ARHGAP21: variants seen among roughly 807,000 people sequenced by gnomAD.
The protein encoded by ARHGAP21 is Rho GTPase activating protein 21, also known as rho GTPase-activating protein 21.
Under a neutral mutation model 164.6 loss-of-function variants are expected in ARHGAP21, and 38 were observed. The observed-to-expected ratio is 0.23, with a 90% CI of 0.18 to 0.30. The LOEUF is 0.30. Among genes scored for constraint, ARHGAP21 ranks in the 10% least tolerant of loss-of-function variants. The probability of loss-of-function intolerance (pLI) is 1.00; values close to 1 mark genes in which losing one functional copy is unlikely to be tolerated. For missense variants in ARHGAP21, 1,822 were observed against 2,370.7 expected (o/e 0.77, Z 4.81); for synonymous variants, 766 against 857.9 (o/e 0.89, Z 1.87).
intron 4 of ARHGAP21, among the ~76,000 whole-genome samples, chr10:24,658,261 G>A (rs527611776): frequency 3.9e-4 from 59 of 152,318 alleles, no homozygotes; most frequent in African/African-American, 1.4e-3. Context: ...GTGGAAGACA[G>A]TGTGGCGATT....
intron 4 of ARHGAP21, among the ~76,000 whole-genome samples, chr10:24,643,562 C>T (rs1314238928): frequency 6.6e-6 from 1 of 152,178 alleles, no homozygotes; most frequent in Non-Finnish European, 1.5e-5. Context: ...AAAATTGGAA[C>T]AGAAGTTACT....
intron 4 of ARHGAP21, 38 bp from the exon 5 acceptor site, chr10:24,635,141 A>G: frequency 7.4e-7 from 1 of 1,343,078 alleles, no homozygotes. Context: ...TTTACTTCAC[A>G]ATACTTTACT....
Position 24,721,849 on chromosome 10 carries a change from G to C in ARHGAP21, c.51C>G (p.Leu17=), listed in dbSNP as rs766347953. The stretch of plus-strand genomic sequence containing the variant: ...GCTCCGCGCTTACCTCGCAGGCCTT[G>C]AGCTTGTCACCATCTCCCTCAGACA... ...TGLSEGDGDK[L]KACEVSKNKD... is the part of the protein sequence containing the mutation. The change falls in exon 2 of 26, where the codon CTC becomes CTG. Residue 17 remains leucine, a synonymous_variant. Coordinates refer to ENST00000396432, the MANE Select transcript of ARHGAP21 (RefSeq NM_020824.4). 7 of 1,614,234 alleles carry C rather than the reference G, an allele frequency of 4.3e-6. No homozygotes were observed. In the Admixed American group the frequency reaches 1.2e-4, roughly 27 times the overall value.
chr10:24,587,973 G>A (rs1372914918), intron 25 of ARHGAP21, among the ~76,000 whole-genome samples: 3 of 152,186 alleles, frequency 2.0e-5, no homozygotes, highest in African/African-American at 7.2e-5. Context: ...TGCATCTAGA[G>A]AAGGGAAAAG....
rs1356986195 is a variant in ARHGAP21 at position 24,585,415 on chromosome 10, T to G, written c.4874A>C (p.Glu1625Ala). The G allele has an allele frequency of 6.2e-7, 1 of 1,614,094 alleles. No individual in the cohort carries two copies. Residue 1625 changes from glutamate (E) to alanine (A), a missense_variant, in exon 26 of 26, where the codon GAA becomes GCA. Glu to Ala is a moderately radical substitution (Grantham distance 107). This residue lies in a region of ARHGAP21 where 333 missense variants were observed against 383.9 expected (regional missense o/e 0.87). Transcript: ENST00000396432. ...KGDEADDERS[E>A]LISEGRPVET... is the part of the protein sequence containing the mutation. ...CACAGGCCGCCCTTCACTGATGAGTTCGCTTCTCTCGTCATCTGCCTCGTC... is the reference window on the plus strand; with the variant it reads ...CACAGGCCGCCCTTCACTGATGAGTGCGCTTCTCTCGTCATCTGCCTCGTC...
At chr10:24,695,548 G>A (rs1843104392) in intron 2 of ARHGAP21, among the ~76,000 whole-genome samples, 1 of 149,556 alleles carries the variant, frequency 6.7e-6, no homozygotes, top group East Asian at 2.0e-4. Context: ...CAGCCTGGGT[G>A]ATGGAGTGAG....
chr10:24,705,469 T>C (rs1844137397), intron 2 of ARHGAP21, among the ~76,000 whole-genome samples: 1 of 152,176 alleles, frequency 6.6e-6, no homozygotes, highest in East Asian at 1.9e-4. Context: ...TATGAAAATA[T>C]TTTTTCACCA....
chr10:24,635,174 T>A, intron 4 of ARHGAP21, 71 bp from the exon 5 acceptor site: 1 of 967,574 alleles, frequency 1.0e-6, no homozygotes, highest in Non-Finnish European at 1.5e-6. Flanking sequence ...TATAAAATAG[T>A]ATTTGAGAGA....
At chr10:24,630,077 G>C in intron 6 of ARHGAP21, 27 bp from the exon 7 acceptor site, 1 of 1,348,340 alleles carries the variant, frequency 7.4e-7, no homozygotes, top group Non-Finnish European at 1.0e-6. Context: ...TACTATTTTA[G>C]GAGAGGTAGA....
chr10:24,719,674 T>C (rs951738886), intron 2 of ARHGAP21, among the ~76,000 whole-genome samples: 6 of 152,208 alleles, frequency 3.9e-5, no homozygotes. Context: ...CACTGTGGAA[T>C]GTAGTGCTTC....
chr10:24,584,968 C>G lies in ARHGAP21; in HGVS notation c.5321G>C (p.Arg1774Thr), dbSNP rs1266315192. ...TCCAAACATGTCATCCGCAGGGGCT[C>G]TGGGTCTCAGTTTTAACCGATCTGC... ...KIADRLKLRP[R>T]APADDMFGVG... The change falls in exon 26 of 26, where the codon AGA (arginine) becomes ACA (threonine). Residue 1774 changes from arginine to threonine, a missense_variant. Physicochemically the swap from Arg to Thr is moderately conservative, Grantham distance 71. Coordinates refer to ENST00000396432, the MANE Select transcript of ARHGAP21 (RefSeq NM_020824.4). The G allele has an allele frequency of 1.2e-6, 2 of 1,613,976 alleles. No homozygotes were observed. The highest frequency in any genetic ancestry group is 4.5e-5 in the East Asian group (2 of 44,882).
chr10:24,608,624 A>T (rs943062981), intron 9 of ARHGAP21, among the ~76,000 whole-genome samples: 1 of 152,204 alleles, frequency 6.6e-6, no homozygotes, highest in Non-Finnish European at 1.5e-5. Flanking sequence ...CAGCTATTTT[A>T]ATTTTGATTA....
At chr10:24,714,307 G>T (rs909120698) in intron 2 of ARHGAP21, 5 of 152,206 alleles carry the variant, frequency 3.3e-5, no homozygotes, top group Admixed American at 2.6e-4. Context: ...CTTTGTGCTA[G>T]ATTACTTGAC....
At chr10:24,669,945 G>C (rs1404089420) in intron 3 of ARHGAP21, among the ~76,000 whole-genome samples, 6 of 152,118 alleles carry the variant, frequency 3.9e-5, no homozygotes, top group Non-Finnish European at 8.8e-5. Flanking sequence ...ATTAGAAAAA[G>C]TAGAAAGAAA....
chr10:24,673,583 C>T (rs1274021782), intron 2 of ARHGAP21, among the ~76,000 whole-genome samples: 3 of 152,188 alleles, frequency 2.0e-5, no homozygotes, highest in Non-Finnish European at 2.9e-5. Flanking sequence ...ACACCTAGGC[C>T]GGCCGTGGTG....
chr10:24,619,266 T>TG (rs1247737511), intron 9 of ARHGAP21, among the ~76,000 whole-genome samples: 1 of 151,148 alleles, frequency 6.6e-6, no homozygotes, highest in Non-Finnish European at 1.5e-5. Context: ...TTTTTGTTTT[T>TG]TTTTTAAAAA....
At chr10:24,682,616 A>G (rs1841874534) in intron 2 of ARHGAP21, among the ~76,000 whole-genome samples, 1 of 152,096 alleles carries the variant, frequency 6.6e-6, no homozygotes, top group Non-Finnish European at 1.5e-5. Flanking sequence ...TCTTGAATAC[A>G]GTTTATTGCA....
intron 2 of ARHGAP21, among the ~76,000 whole-genome samples, chr10:24,693,570 C>CT (rs1842917867): frequency 6.6e-6 from 1 of 152,128 alleles, no homozygotes; most frequent in Admixed American, 6.6e-5. Flanking sequence ...CCAGGCTGGT[C>CT]TTGAACTCCT....
At chr10:24,607,394 A>AAGTT in intron 11 of ARHGAP21, 105 bp downstream of exon 11, 2 of 951,104 alleles carry the variant, frequency 2.1e-6, no homozygotes, top group Non-Finnish European at 3.1e-6. Flanking sequence ...TCTAATGTCA[A>AAGTT]AGTTAGAAAA....
Sources: allele counts gnomAD v4.1 joint callset (sites outside exome capture counted in the v4.1 genomes callset), GRCh38; gene constraint gnomAD v4.1.1; regional missense constraint gnomAD v4.1.1; transcripts MANE v1.5; gene names NCBI Gene and HGNC (gene_info 2026-07-23, HGNC 2026-07-21).